Variants in PTPRN2 observed in about 807,000 individuals in gnomAD.
PTPRN2 encodes the protein protein tyrosine phosphatase receptor type N2, also known as receptor-type tyrosine-protein phosphatase N2.
A neutral mutation model predicts 118.8 loss-of-function variants in PTPRN2; 74 were observed. The ratio of observed to expected loss-of-function variants is 0.62; its 90% CI spans 0.52 to 0.76. PTPRN2 has a LOEUF of 0.76. PTPRN2 is among the 30% of genes least tolerant of loss of function. The pLI is 0.00. For missense variants in PTPRN2, 1,481 were observed against 1,394.4 expected (o/e 1.06, Z -0.99); for synonymous variants, 641 against 608.0 (o/e 1.05, Z -0.80).
chr7:157,988,201 C>T (rs1237462227), intron 11 of PTPRN2, among the ~76,000 whole-genome samples: 1 of 152,230 alleles, frequency 6.6e-6, no homozygotes, highest in Non-Finnish European at 1.5e-5. Context: ...GCTGTCTCTC[C>T]CCGGAGCCCC....
chr7:157,839,376 G>A (rs1040323166), intron 12 of PTPRN2, among the ~76,000 whole-genome samples: 3 of 151,652 alleles, frequency 2.0e-5, no homozygotes, highest in Non-Finnish European at 2.9e-5. Flanking sequence ...CTGTGTGGGA[G>A]TGTGTATGTG....
At chr7:157,993,397 C>T (rs1310645047) in intron 11 of PTPRN2, among the ~76,000 whole-genome samples, 1 of 152,002 alleles carries the variant, frequency 6.6e-6, no homozygotes, top group East Asian at 1.9e-4. Context: ...CATCCCGTAC[C>T]TGGTCAGAGC....
At chr7:157,886,367 G>C (rs886522382) in intron 12 of PTPRN2, among the ~76,000 whole-genome samples, 1 of 152,162 alleles carries the variant, frequency 6.6e-6, no homozygotes, top group Non-Finnish European at 1.5e-5. Flanking sequence ...AAGGGCACAG[G>C]GAGGGAGGGA....
intron 21 of PTPRN2, among the ~76,000 whole-genome samples, chr7:157,563,550 C>T (rs1418410776): frequency 3.1e-5 from 4 of 128,292 alleles, no homozygotes; most frequent in Admixed American, 7.7e-5. Context: ...CGTGCTCCCA[C>T]GTCACCACAC....
chr7:158,506,681 A>T (rs1369028494), intron 1 of PTPRN2, among the ~76,000 whole-genome samples: 1 of 151,960 alleles, frequency 6.6e-6, no homozygotes, highest in East Asian at 1.9e-4. Context: ...GAGTGTGGCT[A>T]CTGGCAGGAA....
intron 11 of PTPRN2, among the ~76,000 whole-genome samples, chr7:157,923,539 A>G (rs758565401): frequency 3.3e-5 from 5 of 152,210 alleles, no homozygotes; most frequent in Non-Finnish European, 5.9e-5. Flanking sequence ...GTTCCTTCAA[A>G]GACAGGCCCG....
intron 10 of PTPRN2, among the ~76,000 whole-genome samples, chr7:158,109,157 AC>A (rs1437801551): frequency 2.7e-5 from 4 of 149,828 alleles, no homozygotes; most frequent in African/African-American, 7.5e-5. Flanking sequence ...GAATGACATC[AC>A]CCCATGTGTG....
intron 11 of PTPRN2, among the ~76,000 whole-genome samples, chr7:158,044,473 G>C (rs867978975): frequency 6.6e-6 from 1 of 152,210 alleles, no homozygotes; most frequent in Non-Finnish European, 1.5e-5. Flanking sequence ...AAATGGGAAC[G>C]TGTTGGAGCT....
chr7:158,374,537 T>C (rs1810348427), intron 2 of PTPRN2, among the ~76,000 whole-genome samples: 1 of 152,010 alleles, frequency 6.6e-6, no homozygotes, highest in Non-Finnish European at 1.5e-5. Flanking sequence ...GAGACTTTAT[T>C]CATAGGCGCC....
rs1040918341 is a variant in PTPRN2, at chr7:157,611,864, C to T, written c.2345-7789G>A. Among the ~76,000 whole-genome samples, 43 of 149,176 alleles carry T rather than the reference C, an allele frequency of 2.9e-4. No homozygotes were observed. Among genetic ancestry groups the T allele is most frequent in the African/African-American group, 4.7e-4 (19 of 40,416 alleles). On this transcript the variant is annotated intron_variant, in intron 15 of 22. Transcript: ENST00000389418. The surrounding 1 kb of genome is among the most constrained non-coding windows in gnomAD (Gnocchi z 5.9). ...TGGGGACACGCGGAGGGAGAGCGCC[C>T]GTGTGAAGACGAAGACAGCCGCAGT... is the stretch of plus-strand genomic sequence containing the variant.
At chr7:158,172,140 A>G (rs889386673) in intron 5 of PTPRN2, among the ~76,000 whole-genome samples, 1 of 152,204 alleles carries the variant, frequency 6.6e-6, no homozygotes, top group Non-Finnish European at 1.5e-5. Context: ...CACACACTGA[A>G]AAAGCCAGCA....
chr7:158,418,500 C>T (rs762707109), intron 2 of PTPRN2, among the ~76,000 whole-genome samples: 85 of 129,370 alleles, frequency 6.6e-4, no homozygotes, highest in Non-Finnish European at 1.2e-3. Flanking sequence ...TCTAGCTCTC[C>T]GTGTCCCACT....
intron 1 of PTPRN2, among the ~76,000 whole-genome samples, chr7:158,561,360 G>A (rs1338664350): frequency 4.6e-5 from 7 of 152,126 alleles, no homozygotes; most frequent in African/African-American, 9.7e-5. Context: ...ACAGCTCTTC[G>A]GGGGTGTGGG....
intron 11 of PTPRN2, among the ~76,000 whole-genome samples, chr7:158,046,712 A>G (rs574726550): frequency 6.6e-6 from 1 of 152,296 alleles, no homozygotes; most frequent in African/African-American, 2.4e-5. Flanking sequence ...GAACACAGGG[A>G]AAAGCCATCC....
At chr7:157,804,047 C>CTA (rs1805479320) in intron 12 of PTPRN2, among the ~76,000 whole-genome samples, 1 of 152,040 alleles carries the variant, frequency 6.6e-6, no homozygotes, top group Non-Finnish European at 1.5e-5. Flanking sequence ...ATTGATGTAT[C>CTA]CTTATTATAT....
intron 11 of PTPRN2, among the ~76,000 whole-genome samples, chr7:157,966,095 C>G (rs114983712): frequency 0.01 from 1,589 of 152,024 alleles, 13 homozygotes; most frequent in African/African-American, 0.014. Flanking sequence ...CAGGAGTACT[C>G]AGCCACATTG....
At chr7:158,497,515 C>T (rs1013778846) in intron 1 of PTPRN2, among the ~76,000 whole-genome samples, 4 of 152,048 alleles carry the variant, frequency 2.6e-5, no homozygotes, top group Non-Finnish European at 4.4e-5. Flanking sequence ...CTGCATTCCT[C>T]GCAGAGGAGG....
At chr7:158,219,780 T>C (rs1477243052) in intron 3 of PTPRN2, among the ~76,000 whole-genome samples, 1 of 151,636 alleles carries the variant, frequency 6.6e-6, no homozygotes, top group Non-Finnish European at 1.5e-5. Context: ...CTTGAAGAAA[T>C]AAATAAATTC....
In PTPRN2 at chr7:157,874,919, A is replaced by G. The variant is rs1420730841; in HGVS notation, c.1788+23754T>C. Among the ~76,000 whole-genome samples the G allele has an allele frequency of 1.3e-5, 2 of 152,172 alleles. No individual in the cohort carries two copies. The highest frequency in any genetic ancestry group is 6.5e-5 in the Admixed American group (1 of 15,276). On this transcript the variant is annotated intron_variant, in intron 12 of 22. Transcript: ENST00000389418. The surrounding 1 kb of genome is among the most constrained non-coding windows in gnomAD (Gnocchi z 5.8). ...CGTGCACATACACACACACTCATGC[A>G]CATACACAGAGAAACACTTGTGCAC...
Sources: gnomAD v4.1 joint callset for allele counts (sites outside exome capture counted in the v4.1 genomes callset) on GRCh38, gnomAD v4.1.1 for gene constraint, Gnocchi (gnomAD v3.1) non-coding constraint, MANE v1.5 for transcripts, NCBI Gene and HGNC (gene_info 2026-07-23, HGNC 2026-07-21) for gene names.